The following MAPKAPK2 variants were observed in gnomAD, a reference collection of about 807,000 sequenced individuals.
The protein encoded by MAPKAPK2 is MAPK activated protein kinase 2, also known as MAP kinase-activated protein kinase 2.
MAPKAPK2 carries 9 observed loss-of-function variants against 48.8 expected under a neutral mutation model. The observed-to-expected ratio is 0.18, with a 90% confidence interval of 0.11 to 0.32. The LOEUF (loss-of-function observed/expected upper bound fraction) is 0.32, where lower values mean the gene tolerates loss of function less well. Ranked by LOEUF, MAPKAPK2 falls within the 10% of genes least tolerant of loss-of-function variation. The probability of loss-of-function intolerance (pLI) is 1.00; values close to 1 mark genes in which losing one functional copy is unlikely to be tolerated. For synonymous variants in MAPKAPK2, 202 were observed against 190.6 expected (o/e 1.06, Z -0.49); for missense variants, 331 against 498.3 (o/e 0.66, Z 3.20).
At chr1:206,713,012 G>A (rs1413803163) in intron 1 of MAPKAPK2, among the ~76,000 whole-genome samples, 1 of 65,308 alleles carries the variant, frequency 1.5e-5, no homozygotes. Context: ...ACACTAATAG[G>A]TTTGCCACTG....
intron 1 of MAPKAPK2, among the ~76,000 whole-genome samples, chr1:206,715,391 T>G (rs1318077934): frequency 6.6e-6 from 1 of 152,224 alleles, no homozygotes; most frequent in African/African-American, 2.4e-5. Flanking sequence ...TCATGGGCAG[T>G]TGCTCGTGTC....
chr1:206,685,452 A>C lies in MAPKAPK2; in HGVS notation c.223A>C (p.Asn75His). Residue 75 changes from asparagine to histidine, a missense_variant, in exon 1 of 10, where the codon AAC becomes CAC. Around this residue, in one of 4 missense-constraint regions of MAPKAPK2, gnomAD observed 93 missense variants for 81.0 expected, o/e 1.15. Transcript: ENST00000367103. ...VTSQVLGLGI[N>H]GKVLQIFNKR... ...CAGCCAGGTCCTGGGGCTGGGCATC[A>C]ACGGCAAAGTTTTGCAGATCTTCAA... 6.5e-7 allele frequency: 1 copy of C among 1,543,596 alleles called. No homozygotes were observed.
At chr1:206,710,043 C>T (rs1403634551) in intron 1 of MAPKAPK2, among the ~76,000 whole-genome samples, 1 of 152,030 alleles carries the variant, frequency 6.6e-6, no homozygotes, top group Non-Finnish European at 1.5e-5. Context: ...ACTGCCAGCT[C>T]TTTAGCATAT....
chr1:206,691,034 G>A (rs191230436), intron 1 of MAPKAPK2, among the ~76,000 whole-genome samples: 45 of 151,768 alleles, frequency 3.0e-4, no homozygotes, highest in African/African-American at 1.0e-3. Context: ...GCTTTTCTTG[G>A]TAATGGTTTG....
intron 1 of MAPKAPK2, among the ~76,000 whole-genome samples, chr1:206,725,691 C>A (rs1192668584): frequency 6.6e-6 from 1 of 152,108 alleles, no homozygotes; most frequent in African/African-American, 2.4e-5. Flanking sequence ...TACAACCAGG[C>A]ATTGCTTCTG....
rs375146911 is a variant in MAPKAPK2, at chr1:206,696,952, G to A, written c.279+11444G>A. Among the ~76,000 whole-genome samples, 19 of 152,316 alleles carry A rather than the reference G, an allele frequency of 1.2e-4. 1 individual carries two copies. Among genetic ancestry groups the A allele is most frequent in the African/African-American group, 3.9e-4 (16 of 41,554 alleles). On this transcript the variant is annotated intron_variant, in intron 1 of 9. Coordinates refer to ENST00000367103, the MANE Select transcript of MAPKAPK2 (RefSeq NM_032960.4). ...TGTCTGTTCTCATTCTTCTGCTGCT[G>A]AAAAGCTGCTCTTAGTCTTCTGAGC...
intron 6 of MAPKAPK2, 29 bp downstream of exon 6, chr1:206,730,792 G>A: frequency 6.6e-7 from 1 of 1,511,468 alleles, no homozygotes; most frequent in Non-Finnish European, 9.2e-7. Flanking sequence ...GGGCTGGGTG[G>A]GGCAGGGAGT....
chr1:206,730,871 A>T, intron 6 of MAPKAPK2, 108 bp downstream of exon 6: 7 of 1,239,036 alleles, frequency 5.6e-6, no homozygotes, highest in African/African-American at 1.5e-5. Flanking sequence ...TGTACAGGGG[A>T]GTCCCCTGCG....
Position 206,685,270 on chromosome 1 carries a change from T to TGCCCCCCCCC in MAPKAPK2, c.41_42insGCCCCCCCCC (p.Phe14LeufsTer52). ...CAGGGCCAGAGCCCGCCGGTGCCGTTCCCCGCCCCGGCCCCGCCGCCGCAG... is the reference window on the plus strand; with the variant it reads ...CAGGGCCAGAGCCCGCCGGTGCCGTTGCCCCCCCCCCCCCGCCCCGGCCCCGCCGCCGCAG... On this transcript the variant is annotated frameshift_variant, in exon 1 of 10. Transcript: ENST00000367103. LOFTEE classifies it high-confidence loss of function. 5.3e-6 allele frequency: 3 copies of TGCCCCCCCCC among 566,978 alleles called. No homozygotes were observed. Among genetic ancestry groups the TGCCCCCCCCC allele is most frequent in the South Asian group, 3.8e-5 (1 of 26,032 alleles). 35.1% of individuals were successfully genotyped at this position (566,978 alleles called of 1,614,324 possible).
At position 206,731,560 on chromosome 1, in the gene MAPKAPK2, T is replaced by G; in HGVS notation, c.893-80T>G. 7.7e-7 allele frequency: 1 copy of G among 1,304,898 alleles called. No individual in the cohort carries two copies. Among genetic ancestry groups the G allele is most frequent in the South Asian group, 1.2e-5 (1 of 84,784 alleles). The allele number at this position is 1,304,898 out of a possible 1,614,324, so 80.8% of individuals were successfully genotyped here. A position where few individuals can be genotyped will look rare whatever the true frequency, so the allele number is the denominator to read the frequency against. On this transcript the variant is annotated intron_variant, in intron 7 of 9. Coordinates refer to ENST00000367103, the MANE Select transcript of MAPKAPK2 (RefSeq NM_032960.4). This position sits in a 1 kb window ranked among gnomAD's most constrained non-coding sequence, Gnocchi z 5.9. ...CATGCACCCCCTCTTTGAACCTGGTTTCCCCATGAAAACTGGGGAAAGGAG... is the reference window on the plus strand; with the variant it reads ...CATGCACCCCCTCTTTGAACCTGGTGTCCCCATGAAAACTGGGGAAAGGAG...
intron 1 of MAPKAPK2, among the ~76,000 whole-genome samples, chr1:206,705,662 G>A (rs1553428464): frequency 6.6e-6 from 1 of 152,240 alleles, no homozygotes; most frequent in African/African-American, 2.4e-5. Context: ...CATCTGGAGG[G>A]TGGACCAGGG....
chr1:206,729,114 T>C lies in MAPKAPK2; in HGVS notation c.484+15T>C, dbSNP rs782364504. On this transcript the variant is annotated intron_variant, in intron 3 of 9. Transcript: ENST00000367103. ...CACAGAAAGAGGTAGAAAGGGTCTG[T>C]TGTGGGAGCACGTGCAGGCAGGCAG... 8.7e-6 allele frequency: 14 copies of C among 1,613,800 alleles called. No individual in the cohort carries two copies. In the Admixed American group the frequency reaches 2.2e-4, roughly 25 times the overall value.
intron 6 of MAPKAPK2, 26 bp downstream of exon 6, chr1:206,730,789 GT>G: frequency 6.9e-7 from 1 of 1,458,554 alleles, no homozygotes; most frequent in Non-Finnish European, 9.6e-7. Context: ...AGGGGGCTGG[GT>G]GGGGCAGGGA....
At chr1:206,720,154 A>T (rs1346169078) in intron 1 of MAPKAPK2, among the ~76,000 whole-genome samples, 1 of 152,218 alleles carries the variant, frequency 6.6e-6, no homozygotes, top group Non-Finnish European at 1.5e-5. Flanking sequence ...GATATGCTCC[A>T]TGGCCATAGG....
At position 206,730,870 on chromosome 1, in the gene MAPKAPK2, G is replaced by T. The variant is rs192278317; in HGVS notation, c.767+107G>T. The stretch of plus-strand genomic sequence containing the variant: ...CGTTAGCATTCCCCTTTGTACAGGG[G>T]AGTCCCCTGCGTGCCCCTTCTCTCA... On this transcript the variant is annotated intron_variant, in intron 6 of 9. Coordinates refer to ENST00000367103, the MANE Select transcript of MAPKAPK2 (RefSeq NM_032960.4). 3.1e-4 allele frequency: 388 copies of T among 1,251,536 alleles called. 1 individual carries two copies. In the African/African-American group the frequency reaches 4.5e-3, roughly 14 times the overall value. 77.5% of individuals were successfully genotyped at this position (1,251,536 alleles called of 1,614,324 possible). A position where few individuals can be genotyped will look rare whatever the true frequency, so the allele number is the denominator to read the frequency against.
In MAPKAPK2 at chr1:206,733,280, ATG is replaced by A. The variant is rs5780359; in HGVS notation, c.*587_*588del. On this transcript the variant is annotated 3_prime_UTR_variant, in exon 10 of 10. Coordinates refer to ENST00000367103, the MANE Select transcript of MAPKAPK2 (RefSeq NM_032960.4). ...GTGCCAGACAAATAGGAGTGAGTGT[ATG>A]TGTGTGTGTGTGTGTGTGTGTGTGC... 34,513 of 151,112 alleles carry A rather than the reference ATG, an allele frequency of 0.23. 4,039 individuals are homozygous for A. Among genetic ancestry groups the A allele is most frequent in the African/African-American group, 0.28 (11,361 of 40,956 alleles). 9.4% of individuals were successfully genotyped at this position (151,112 alleles called of 1,614,324 possible).
chr1:206,687,857 C>T (rs977758043), intron 1 of MAPKAPK2, among the ~76,000 whole-genome samples: 6 of 152,144 alleles, frequency 3.9e-5, no homozygotes, highest in South Asian at 4.1e-4. Flanking sequence ...TACAGTGTGC[C>T]GAGGCCAATG....
intron 1 of MAPKAPK2, chr1:206,696,297 C>G: frequency 1.0e-6 from 1 of 970,826 alleles, no homozygotes; most frequent in Non-Finnish European, 1.7e-6. Context: ...AGACTCCGCA[C>G]AGGAACGCAA....
rs1403982614 is a variant in MAPKAPK2 at position 206,731,544 on chromosome 1, C to G, written c.893-96C>G. The G allele has an allele frequency of 2.5e-6, 3 of 1,194,846 alleles. No individual in the cohort carries two copies. Among genetic ancestry groups the G allele is most frequent in the African/African-American group, 1.5e-5 (1 of 66,620 alleles). 74.0% of individuals were successfully genotyped at this position (1,194,846 alleles called of 1,614,324 possible). On this transcript the variant is annotated intron_variant, in intron 7 of 9. Transcript: ENST00000367103. The surrounding 1 kb of genome is among the most constrained non-coding windows in gnomAD (Gnocchi z 5.9). Reference sequence around the variant, plus strand: ...TCCGGCAGCCTGCCTCCATGCACCCCCTCTTTGAACCTGGTTTCCCCATGA... The same window carrying G: ...TCCGGCAGCCTGCCTCCATGCACCCGCTCTTTGAACCTGGTTTCCCCATGA...
Sources: allele counts gnomAD v4.1 joint callset (sites outside exome capture counted in the v4.1 genomes callset), GRCh38; gene constraint gnomAD v4.1.1; regional missense constraint gnomAD v4.1.1; non-coding constraint Gnocchi (gnomAD v3.1); transcripts MANE v1.5; gene names NCBI Gene and HGNC (gene_info 2026-07-23, HGNC 2026-07-21).